The following KHDRBS2 variants were observed in gnomAD, a reference collection of about 807,000 sequenced individuals.
The protein encoded by KHDRBS2 is KH RNA binding domain containing, signal transduction associated 2, also known as KH domain-containing, RNA-binding, signal transduction-associated protein 2.
KHDRBS2 carries 26 observed loss-of-function variants against 44.3 expected under a neutral mutation model. The ratio of observed to expected loss-of-function variants is 0.59; its 90% confidence interval spans 0.43 to 0.81. KHDRBS2 has a LOEUF of 0.81. Among genes scored for constraint, KHDRBS2 ranks in the 40% least tolerant of loss-of-function variants. The probability of loss-of-function intolerance (pLI) is 0.00; values close to 1 mark genes in which losing one functional copy is unlikely to be tolerated. For missense variants in KHDRBS2, 476 were observed against 433.1 expected (o/e 1.10, Z -0.88); for synonymous variants, 194 against 151.1 (o/e 1.28, Z -2.08).
At chr6:62,148,501 A>C (rs903395303) in intron 2 of KHDRBS2, among the ~76,000 whole-genome samples, 1 of 152,028 alleles carries the variant, frequency 6.6e-6, no homozygotes, top group African/African-American at 2.4e-5. Context: ...AAGGAAAATA[A>C]ATCTCACGAT....
the KHDRBS2 span, among the ~76,000 whole-genome samples, chr6:61,615,219 C>CCAAAAAAAAAAAAAAA: frequency 9.9e-6 from 1 of 101,018 alleles, no homozygotes; most frequent in Non-Finnish European, 1.9e-5. Context: ...GGTGACAGAG[C>CCAAAAAAAAAAAAAAA]AAGACTCCAT....
intron 2 of KHDRBS2, among the ~76,000 whole-genome samples, chr6:62,061,833 T>A (rs1042590105): frequency 1.0e-4 from 15 of 148,690 alleles, no homozygotes; most frequent in Admixed American, 6.8e-4. Flanking sequence ...GATTTGGTCT[T>A]TTCACATAGT....
At chr6:61,597,002 T>C in the KHDRBS2 span, among the ~76,000 whole-genome samples, 2 of 152,212 alleles carry the variant, frequency 1.3e-5, no homozygotes, top group Non-Finnish European at 2.9e-5. Context: ...TAGAAATTTA[T>C]ATCTCAAAGA....
intron 6 of KHDRBS2, among the ~76,000 whole-genome samples, chr6:61,823,034 C>T (rs1216453309): frequency 2.6e-5 from 4 of 151,862 alleles, no homozygotes; most frequent in African/African-American, 7.3e-5. Context: ...TGACACAATG[C>T]CTAGGTTAAC....
intron 7 of KHDRBS2, among the ~76,000 whole-genome samples, chr6:61,723,175 A>G (rs1772978289): frequency 6.6e-6 from 1 of 151,608 alleles, no homozygotes; most frequent in African/African-American, 2.4e-5. Context: ...AAACAAACAA[A>G]CAAACAGAAA....
At chr6:61,663,101 G>T in the KHDRBS2 span, among the ~76,000 whole-genome samples, 1 of 151,758 alleles carries the variant, frequency 6.6e-6, no homozygotes, top group African/African-American at 2.4e-5. Context: ...TCCTTTGTAG[G>T]GACATGGATG....
the KHDRBS2 span, among the ~76,000 whole-genome samples, chr6:61,565,666 G>A: frequency 6.6e-6 from 1 of 152,020 alleles, no homozygotes; most frequent in Non-Finnish European, 1.5e-5. Flanking sequence ...ATGAATGTTG[G>A]TGAGGATGTA....
intron 4 of KHDRBS2, among the ~76,000 whole-genome samples, chr6:61,929,540 C>T (rs538297197): frequency 6.6e-6 from 1 of 152,270 alleles, no homozygotes; most frequent in African/African-American, 2.4e-5. Context: ...CAGTCATTCA[C>T]ATTAAACTTG....
At chr6:61,749,667 T>G (rs1355859563) in intron 6 of KHDRBS2, among the ~76,000 whole-genome samples, 1 of 152,184 alleles carries the variant, frequency 6.6e-6, no homozygotes, top group Non-Finnish European at 1.5e-5. Flanking sequence ...TCTATATGAT[T>G]CACTTCTTTG....
chr6:61,760,775 A>T (rs1168036601), intron 6 of KHDRBS2, among the ~76,000 whole-genome samples: 6 of 152,216 alleles, frequency 3.9e-5, no homozygotes, highest in Non-Finnish European at 5.9e-5. Flanking sequence ...TTGATAGAAA[A>T]CCAATAATTT....
intron 6 of KHDRBS2, among the ~76,000 whole-genome samples, chr6:61,749,009 C>CTTTTT (rs34423906): frequency 3.4e-3 from 330 of 97,244 alleles, no homozygotes; most frequent in Middle Eastern, 7.1e-3. Flanking sequence ...TTCTTTCTTT[C>CTTTTT]TTTTTTTTTT....
intron 1 of KHDRBS2, among the ~76,000 whole-genome samples, chr6:62,192,898 T>G: frequency 6.6e-6 from 1 of 152,120 alleles, no homozygotes; most frequent in Admixed American, 6.6e-5. Flanking sequence ...TCATTACGCT[T>G]GTTGCTCATA....
intron 1 of KHDRBS2, among the ~76,000 whole-genome samples, chr6:62,228,674 T>C (rs1282871444): frequency 6.6e-6 from 1 of 152,216 alleles, no homozygotes; most frequent in Non-Finnish European, 1.5e-5. Context: ...CATTTACTGC[T>C]ATAAATTTCC....
At chr6:62,246,878 A>T (rs1835663966) in intron 1 of KHDRBS2, among the ~76,000 whole-genome samples, 1 of 152,076 alleles carries the variant, frequency 6.6e-6, no homozygotes, top group African/African-American at 2.4e-5. Context: ...AAGTAGTAAC[A>T]TTGAATAATT....
the KHDRBS2 span, among the ~76,000 whole-genome samples, chr6:61,663,419 AAAAAAT>A: frequency 2.8e-5 from 4 of 143,820 alleles, no homozygotes; most frequent in South Asian, 8.9e-4. Context: ...AATTAAATTA[AAAAAAT>A]AAAAATAAAA....
At chr6:62,172,179 C>A (rs1820140909) in intron 2 of KHDRBS2, among the ~76,000 whole-genome samples, 1 of 151,972 alleles carries the variant, frequency 6.6e-6, no homozygotes, top group South Asian at 2.1e-4. Flanking sequence ...CTTGAAGAGA[C>A]CCATCTCACA....
intron 6 of KHDRBS2, chr6:61,813,988 A>T (rs1788517097): frequency 2.2e-6 from 1 of 455,694 alleles, no homozygotes; most frequent in South Asian, 1.5e-5. Flanking sequence ...CCAGTAAAAA[A>T]AGCTTCGTCC....
intron 3 of KHDRBS2, among the ~76,000 whole-genome samples, chr6:62,017,182 A>T (rs1350575651): frequency 1.3e-5 from 2 of 152,162 alleles, no homozygotes; most frequent in Non-Finnish European, 2.9e-5. Context: ...CCACACCTAT[A>T]GGAGGCTGTG....
At chr6:62,103,608 C>T (rs1562866413) in intron 2 of KHDRBS2, among the ~76,000 whole-genome samples, 2 of 139,482 alleles carry the variant, frequency 1.4e-5, no homozygotes, top group African/African-American at 5.4e-5. Flanking sequence ...CAGGCAGAAG[C>T]AGCTGCGCCC....
Sources: allele counts gnomAD v4.1 joint callset (sites outside exome capture counted in the v4.1 genomes callset), GRCh38; gene constraint gnomAD v4.1.1; transcripts MANE v1.5; gene names NCBI Gene and HGNC (gene_info 2026-07-23, HGNC 2026-07-21).